Variants in AK5 observed in about 807,000 individuals in gnomAD.
AK5 encodes adenylate kinase isoenzyme 5.
In AK5, 27 loss-of-function variants were observed where a neutral mutation model predicts 69.5. That is an observed-to-expected ratio of 0.39 (90% CI 0.29 to 0.54). AK5 has a LOEUF of 0.54. Among genes scored for constraint, AK5 ranks in the 20% least tolerant of loss-of-function variants. AK5 has a pLI of 0.71. For synonymous variants in AK5, 260 were observed against 244.4 expected, an observed-to-expected ratio of 1.06 and a Z score of -0.60; for missense variants, 531 against 700.4, an observed-to-expected ratio of 0.76 and a Z score of 2.73.
chr1:77,369,167 T>C (rs1647073610), intron 6 of AK5, among the ~76,000 whole-genome samples: 1 of 152,176 alleles, frequency 6.6e-6, no homozygotes. Context: ...GTTTTTGTTA[T>C]CCACTTTACA....
chr1:77,298,310 A>G (rs944691671), intron 5 of AK5, among the ~76,000 whole-genome samples: 5 of 152,154 alleles, frequency 3.3e-5, no homozygotes, highest in African/African-American at 9.7e-5. Flanking sequence ...ACTTATATTC[A>G]TGCCAACTAA....
intron 10 of AK5, among the ~76,000 whole-genome samples, chr1:77,515,702 G>C (rs1025174478): frequency 6.6e-6 from 1 of 152,174 alleles, no homozygotes; most frequent in South Asian, 2.1e-4. Context: ...CTGCCAGAAG[G>C]GGGAAACATG....
chr1:77,475,450 ATATACAAATATATAT>A (rs1431120423), intron 8 of AK5, among the ~76,000 whole-genome samples: 19 of 3,916 alleles, frequency 4.9e-3, no homozygotes, highest in East Asian at 0.013. Context: ...TATATTATAT[ATATACAAATATATAT>A]TATATATGTA....
chr1:77,473,430 A>G lies in AK5; in HGVS notation c.1060-9887A>G, dbSNP rs529934415. Among the ~76,000 whole-genome samples, 3 of 152,220 alleles carry G rather than the reference A, an allele frequency of 2.0e-5. No homozygotes were observed. The South Asian group carries it at 6.2e-4, about 32-fold the overall frequency. On this transcript the variant is annotated intron_variant, in intron 8 of 13. Coordinates refer to ENST00000354567, the MANE Select transcript of AK5 (RefSeq NM_174858.3). ...CCTAATCTAACCTCCTACACGGTCT[A>G]AGAATCTCTTGACTGCCAGATAGTT...
rs145491487 is a variant in AK5 at position 77,422,528 on chromosome 1, G to A, written c.1059+4813G>A. ...AAGCCATTCTCAGGTCCCTCAAATGGGTCATGTTTGCACAGTCCCTTTCCT... is the reference window on the plus strand; with the variant it reads ...AAGCCATTCTCAGGTCCCTCAAATGAGTCATGTTTGCACAGTCCCTTTCCT... On this transcript the variant is annotated intron_variant, in intron 8 of 13. Coordinates refer to ENST00000354567, the MANE Select transcript of AK5 (RefSeq NM_174858.3). 4.1e-3 allele frequency among the ~76,000 whole-genome samples: 624 copies of A among 152,160 alleles called. 5 individuals carry two copies. The highest frequency in any genetic ancestry group is 0.014 in the African/African-American group (596 of 41,506).
intron 6 of AK5, among the ~76,000 whole-genome samples, chr1:77,388,589 T>TTGC (rs778015175): frequency 1.2e-4 from 18 of 151,782 alleles, no homozygotes; most frequent in Non-Finnish European, 2.5e-4. Flanking sequence ...GTTGTTGTTG[T>TTGC]TTTTGCATTA....
chr1:77,468,161 TCTGA>T (rs1299639522), intron 8 of AK5, among the ~76,000 whole-genome samples: 1 of 152,244 alleles, frequency 6.6e-6, no homozygotes, highest in Non-Finnish European at 1.5e-5. Context: ...GGTTGCAGTG[TCTGA>T]CTGATACCAT....
intron 10 of AK5, among the ~76,000 whole-genome samples, chr1:77,514,658 A>T (rs537918093): frequency 3.3e-5 from 5 of 152,238 alleles, no homozygotes; most frequent in Non-Finnish European, 7.3e-5. Context: ...TGCTCCCACG[A>T]AAGTTTCTAA....
At chr1:77,286,697 A>G (rs1658371726) in intron 1 of AK5, among the ~76,000 whole-genome samples, 1 of 152,030 alleles carries the variant, frequency 6.6e-6, no homozygotes, top group Non-Finnish European at 1.5e-5. Flanking sequence ...AAATACAAAA[A>G]GTAGCTGGGC....
At chr1:77,392,758 A>G (rs999170428) in intron 6 of AK5, among the ~76,000 whole-genome samples, 4 of 151,252 alleles carry the variant, frequency 2.6e-5, no homozygotes, top group African/African-American at 4.8e-5. Context: ...GGCCAAAGGA[A>G]TGATTGCTGG....
chr1:77,493,465 C>T (rs1656118626), intron 10 of AK5, among the ~76,000 whole-genome samples: 1 of 152,022 alleles, frequency 6.6e-6, no homozygotes, highest in Non-Finnish European at 1.5e-5. Flanking sequence ...ATAATGAGCC[C>T]ATATGTATAT....
rs1026981477 is a variant in AK5, at chr1:77,311,100, C to T, written c.699+13153C>T. Among the ~76,000 whole-genome samples, 9 of 152,052 alleles carry T rather than the reference C, an allele frequency of 5.9e-5. 1 individual carries two copies. The highest frequency in any genetic ancestry group is 2.0e-4 in the Admixed American group (3 of 15,254). On this transcript the variant is annotated intron_variant, in intron 5 of 13. Coordinates refer to ENST00000354567, the MANE Select transcript of AK5 (RefSeq NM_174858.3). ...ACAGCCTTCTTTTCTGTTCTCTTTACGGCACAGCTGACTCATTCATGTTGT... is the reference window on the plus strand; with the variant it reads ...ACAGCCTTCTTTTCTGTTCTCTTTATGGCACAGCTGACTCATTCATGTTGT...
At chr1:77,437,697 G>A (rs1434562892) in intron 8 of AK5, among the ~76,000 whole-genome samples, 2 of 152,140 alleles carry the variant, frequency 1.3e-5, no homozygotes, top group East Asian at 1.9e-4. Flanking sequence ...CTTGAATTCC[G>A]GCAATAAATT....
In AK5 at chr1:77,403,572, G is replaced by A. The variant is rs551241595; in HGVS notation, c.892-7409G>A. On this transcript the variant is annotated intron_variant, in intron 6 of 13. Coordinates refer to ENST00000354567, the MANE Select transcript of AK5 (RefSeq NM_174858.3). ...ATAGGGAATCCTTTCCCCATTGCTT[G>A]TTTTTCTCAGGTTTGTCAAAGATCA... Among the ~76,000 whole-genome samples the A allele has an allele frequency of 3.7e-4, 56 of 152,306 alleles. 1 individual carries two copies. The South Asian group carries it at 5.4e-3, about 15-fold the overall frequency.
At chr1:77,503,747 C>G (rs898958316) in intron 10 of AK5, among the ~76,000 whole-genome samples, 2 of 151,748 alleles carry the variant, frequency 1.3e-5, no homozygotes, top group African/African-American at 4.8e-5. Context: ...ACTAAATATA[C>G]CAAAAAAATG....
At chr1:77,376,521 A>G (rs375391080) in intron 6 of AK5, among the ~76,000 whole-genome samples, 55 of 145,384 alleles carry the variant, frequency 3.8e-4, no homozygotes, top group African/African-American at 1.3e-3. Context: ...AACTATTTCT[A>G]TGGGTCTTCT....
intron 5 of AK5, among the ~76,000 whole-genome samples, chr1:77,299,202 T>G (rs1659196350): frequency 6.6e-6 from 1 of 152,096 alleles, no homozygotes; most frequent in Non-Finnish European, 1.5e-5. Flanking sequence ...GTGTTTTAAA[T>G]TTGCATTTCA....
At chr1:77,428,973 G>A (rs1651408740) in intron 8 of AK5, among the ~76,000 whole-genome samples, 1 of 152,148 alleles carries the variant, frequency 6.6e-6, no homozygotes, top group African/African-American at 2.4e-5. Flanking sequence ...CGGTGTATAT[G>A]TGCCTTTTCT....
chr1:77,443,678 T>C (rs76635375), intron 8 of AK5, among the ~76,000 whole-genome samples: 1,131 of 8,720 alleles, frequency 0.13, 15 homozygotes, highest in African/African-American at 0.25. Context: ...GTGGGGAGTC[T>C]GTGTGTGTGT....
Sources: allele counts gnomAD v4.1 joint callset (sites outside exome capture counted in the v4.1 genomes callset), GRCh38; gene constraint gnomAD v4.1.1; transcripts MANE v1.5; gene names NCBI Gene and HGNC (gene_info 2026-07-23, HGNC 2026-07-21).